The following RELN variants were observed in gnomAD, a reference collection of about 807,000 sequenced individuals.
RELN encodes the protein reelin.
RELN carries 108 observed loss-of-function variants against 427.6 expected under a neutral mutation model. The ratio of observed to expected loss-of-function variants is 0.25; its 90% CI spans 0.22 to 0.30. The LOEUF is 0.30. Ranked by LOEUF, RELN falls within the 10% of genes least tolerant of loss-of-function variation. The pLI is 1.00. For missense variants in RELN, 3,715 were observed against 4,302.8 expected, an observed-to-expected ratio of 0.86 and a Z score of 3.82; for synonymous variants, 1,524 against 1,513.4, an observed-to-expected ratio of 1.01 and a Z score of -0.16.
intron 4 of RELN, among the ~76,000 whole-genome samples, chr7:103,759,180 C>G (rs1431770016): frequency 6.6e-6 from 1 of 151,888 alleles, no homozygotes; most frequent in Non-Finnish European, 1.5e-5. Flanking sequence ...TACTAATCAC[C>G]ATAAGCTAGC....
chr7:103,730,862 C>A (rs1348856059), intron 6 of RELN, among the ~76,000 whole-genome samples: 1 of 152,046 alleles, frequency 6.6e-6, no homozygotes. Flanking sequence ...CAAATCCAAC[C>A]CTCTCTTAGA....
intron 28 of RELN, among the ~76,000 whole-genome samples, chr7:103,577,423 A>C (rs1321686822): frequency 3.3e-5 from 5 of 152,222 alleles, no homozygotes; most frequent in African/African-American, 4.8e-5. Flanking sequence ...GTAAGCCCCA[A>C]GCCCCCGTTT....
chr7:103,795,769 T>C (rs1792284119), intron 3 of RELN, among the ~76,000 whole-genome samples: 2 of 152,212 alleles, frequency 1.3e-5, no homozygotes, highest in South Asian at 2.1e-4. Context: ...AGGAAAATAA[T>C]GGCCCATCAT....
chr7:103,643,920 A>G (rs940416846), intron 16 of RELN, among the ~76,000 whole-genome samples: 1 of 151,922 alleles, frequency 6.6e-6, no homozygotes, highest in African/African-American at 2.4e-5. Context: ...AACATTTAAA[A>G]AGAGTAGGTT....
chr7:103,500,334 T>C (rs1416282082), intron 53 of RELN, among the ~76,000 whole-genome samples: 2 of 152,230 alleles, frequency 1.3e-5, no homozygotes, highest in Non-Finnish European at 2.9e-5. Flanking sequence ...TTAGGCCTTT[T>C]TGAAAATTTG....
chr7:103,720,176 TG>T (rs1456215146), intron 8 of RELN, among the ~76,000 whole-genome samples: 57 of 102,238 alleles, frequency 5.6e-4, no homozygotes, highest in African/African-American at 2.1e-3. Flanking sequence ...ATAAACATTG[TG>T]TGTGTGTGTG....
rs560119609 is a variant in RELN at position 103,826,578 on chromosome 7, T to G, written c.473+6959A>C. On this transcript the variant is annotated intron_variant, in intron 3 of 64. Coordinates refer to ENST00000428762, the MANE Select transcript of RELN (RefSeq NM_005045.4). Reference sequence around the variant, plus strand: ...GAGTTGTCGCTGCCATGGAAAAAATTTATTCACCTGTTTCTCAGACGTCTT... The same window carrying G: ...GAGTTGTCGCTGCCATGGAAAAAATGTATTCACCTGTTTCTCAGACGTCTT... 4.6e-5 allele frequency among the ~76,000 whole-genome samples: 7 copies of G among 152,100 alleles called. No individual in the cohort carries two copies. In the South Asian group the frequency reaches 1.5e-3, roughly 32 times the overall value.
chr7:103,643,094 C>T (rs149654199), intron 16 of RELN, among the ~76,000 whole-genome samples: 1 of 152,070 alleles, frequency 6.6e-6, no homozygotes, highest in Non-Finnish European at 1.5e-5. Flanking sequence ...AGTTTTTCTC[C>T]AGTTTCAAGA....
intron 12 of RELN, among the ~76,000 whole-genome samples, chr7:103,656,389 CT>C (rs1055755496): frequency 6.6e-6 from 1 of 151,990 alleles, no homozygotes; most frequent in Non-Finnish European, 1.5e-5. Context: ...AAACTAAGCC[CT>C]TTAAGACAAA....
chr7:103,948,394 C>T (rs1044428799), intron 1 of RELN, among the ~76,000 whole-genome samples: 10 of 152,022 alleles, frequency 6.6e-5, no homozygotes, highest in South Asian at 4.2e-4. Context: ...AATTTGGGGC[C>T]GAGTGTGGTG....
chr7:103,487,501 C>G (rs747735954), intron 60 of RELN, among the ~76,000 whole-genome samples: 10 of 148,546 alleles, frequency 6.7e-5, no homozygotes, highest in Admixed American at 3.3e-4. Flanking sequence ...TACAGATTCC[C>G]AAAGTAAATG....
At position 103,652,731 on chromosome 7, in the gene RELN, T is replaced by C. The variant is rs1217281315; in HGVS notation, c.1583A>G (p.Asn528Ser). The change falls in exon 14 of 65, where the codon AAT becomes AGT. Residue 528 changes from asparagine to serine, a missense_variant. By Grantham distance (46) the Asn-to-Ser change is conservative. Around this residue, in one of 4 missense-constraint regions of RELN, gnomAD observed 2,208 missense variants for 2,361.7 expected, o/e 0.93. Coordinates refer to ENST00000428762, the MANE Select transcript of RELN (RefSeq NM_005045.4). Reference sequence around the variant, plus strand: ...GGTAGCAGGAGTCTGAAGTTCAGGATTGATGACCACAGAAACCAAAGACGG... The same window carrying C: ...GGTAGCAGGAGTCTGAAGTTCAGGACTGATGACCACAGAAACCAAAGACGG... ...KVPSLVSVVINPELQTPATKF... is the reference protein window; with the variant it reads ...KVPSLVSVVISPELQTPATKF... 4 of 1,612,782 alleles carry C rather than the reference T, an allele frequency of 2.5e-6. No individual in the cohort carries two copies. The highest frequency in any genetic ancestry group is 1.1e-5 in the South Asian group (1 of 91,060).
At chr7:103,518,505 G>GTTTTTTTTTTTTTTTTTTTTTA (rs58239018) in intron 49 of RELN, among the ~76,000 whole-genome samples, 1 of 114,404 alleles carries the variant, frequency 8.7e-6, no homozygotes, top group African/African-American at 4.6e-5. Flanking sequence ...GGTAATTTAA[G>GTTTTTTTTTTTTTTTTTTTTTA]TTTTTTTTTT....
chr7:103,773,116 CTTTCTTT>C (rs1791616560), intron 4 of RELN, among the ~76,000 whole-genome samples: 1 of 68,608 alleles, frequency 1.5e-5, no homozygotes, highest in Non-Finnish European at 3.4e-5. Context: ...TTCTTTCTTT[CTTTCTTT>C]CTTTCTTTCT....
intron 4 of RELN, among the ~76,000 whole-genome samples, chr7:103,757,672 G>A (rs1688571167): frequency 6.6e-6 from 1 of 152,136 alleles, no homozygotes; most frequent in African/African-American, 2.4e-5. Flanking sequence ...GTTTCTTCCA[G>A]GTATTTCTGT....
At chr7:103,561,439 G>T in intron 36 of RELN, 93 bp downstream of exon 36, 1 of 1,014,556 alleles carries the variant, frequency 9.9e-7, no homozygotes, top group Non-Finnish European at 1.6e-6. Flanking sequence ...TATGTCATTT[G>T]AAGAGATTCA....
chr7:103,551,226 C>T lies in RELN; in HGVS notation c.6143G>A (p.Gly2048Glu). ...GGGCAGCAGAAGGTGCCAGGTCGCC[C>T]CGAAGTCCCTTGAAAATTCCAGTCT... The part of the protein sequence containing the change: ...PVRLEFSRDF[G>E]ATWHLLLPLC... Residue 2048 changes from glycine (G) to glutamate (E), a missense_variant, in exon 41 of 65, where the codon GGG (glycine) becomes GAG (glutamate). Physicochemically the swap from Gly to Glu is moderately conservative, Grantham distance 98. Transcript: ENST00000428762. The T allele has an allele frequency of 1.9e-6, 3 of 1,614,048 alleles. No individual in the cohort carries two copies. Among genetic ancestry groups the T allele is most frequent in the Non-Finnish European group, 2.5e-6 (3 of 1,180,026 alleles).
chr7:103,797,275 G>C (rs537195007), intron 3 of RELN, among the ~76,000 whole-genome samples: 1 of 151,920 alleles, frequency 6.6e-6, no homozygotes, highest in Non-Finnish European at 1.5e-5. Flanking sequence ...GCTGATTTTT[G>C]TATTATTTTT....
chr7:103,550,902 T>C (rs561207119), intron 41 of RELN, among the ~76,000 whole-genome samples, 165 bp downstream of exon 41: 67 of 152,348 alleles, frequency 4.4e-4, no homozygotes, highest in Non-Finnish European at 7.9e-4. Context: ...TTAGTAGTTA[T>C]GTCAGCTCCG....
Sources: gnomAD v4.1 joint callset for allele counts (sites outside exome capture counted in the v4.1 genomes callset) on GRCh38, gnomAD v4.1.1 for gene constraint, gnomAD v4.1.1 regional missense constraint, MANE v1.5 for transcripts, NCBI Gene and HGNC (gene_info 2026-07-23, HGNC 2026-07-21) for gene names.